CTCFL: variants seen among roughly 807,000 people sequenced by gnomAD.
CTCFL encodes the protein CCCTC-binding factor like, also known as transcriptional repressor CTCFL.
Under a neutral mutation model 67.4 loss-of-function variants are expected in CTCFL, and 36 were observed. The observed-to-expected ratio is 0.53, with a 90% CI of 0.41 to 0.71. CTCFL has a LOEUF of 0.71. CTCFL is among the 30% of genes least tolerant of loss of function. CTCFL has a pLI of 0.00. For missense variants in CTCFL, 786 were observed against 835.2 expected (o/e 0.94, Z 0.73); for synonymous variants, 324 against 302.3 (o/e 1.07, Z -0.75).
intron 9 of CTCFL, among the ~76,000 whole-genome samples, chr20:57,504,801 A>G (rs556319096): frequency 2.2e-4 from 34 of 152,120 alleles, no homozygotes; most frequent in Middle Eastern, 3.4e-3. Flanking sequence ...AAAATTTTAA[A>G]CAAAACTTCT....
intron 8 of CTCFL, among the ~76,000 whole-genome samples, chr20:57,510,348 T>TA (rs1406255295): frequency 1.3e-5 from 2 of 152,230 alleles, no homozygotes; most frequent in African/African-American, 2.4e-5. Context: ...ATAAAACAAT[T>TA]TATTAACTCA....
At chr20:57,525,231 TG>T (rs892708048), upstream of CTCFL, 1 of 45,746 alleles carries the variant, frequency 2.2e-5, no homozygotes, top group African/African-American at 8.5e-5. Flanking sequence ...TGATGTACTG[TG>T]GGGGCAGGGG....
intron 10 of CTCFL, 84 bp downstream of exon 10, chr20:57,503,352 C>T (rs2068014528): frequency 1.3e-6 from 2 of 1,523,568 alleles, no homozygotes; most frequent in African/African-American, 1.4e-5. Flanking sequence ...GACACATCCC[C>T]TGGACAGTAA....
intron 8 of CTCFL, among the ~76,000 whole-genome samples, chr20:57,511,466 A>T (rs1235514292): frequency 2.0e-5 from 3 of 152,134 alleles, no homozygotes; most frequent in African/African-American, 4.8e-5. Flanking sequence ...CCTGTGTGTG[A>T]GTCTGTAACA....
At chr20:57,521,996 G>T (rs1568882849) in intron 3 of CTCFL, among the ~76,000 whole-genome samples, 1 of 152,222 alleles carries the variant, frequency 6.6e-6, no homozygotes, top group Admixed American at 6.5e-5. Context: ...CTGGAATTTA[G>T]ACAGTGTTGA....
chr20:57,513,659 A>G (rs1600663057), intron 7 of CTCFL: 3 of 1,182,210 alleles, frequency 2.5e-6, no homozygotes, highest in Middle Eastern at 3.1e-4. Context: ...CTACGGCAAC[A>G]ATGACAGAAT....
intron 6 of CTCFL, chr20:57,514,979 T>C (rs748132578): frequency 9.3e-6 from 5 of 534,940 alleles, no homozygotes; most frequent in African/African-American, 1.9e-5. Flanking sequence ...TACGCAAGAG[T>C]TCAAGGTGGT....
chr20:57,505,140 A>G (rs2068128156), intron 9 of CTCFL, among the ~76,000 whole-genome samples: 1 of 151,896 alleles, frequency 6.6e-6, no homozygotes, highest in Non-Finnish European at 1.5e-5. Context: ...CTTGTGCAAA[A>G]ATGATGACTT....
intron 6 of CTCFL, chr20:57,515,511 T>C (rs1053398156): frequency 3.3e-6 from 2 of 601,356 alleles, no homozygotes; most frequent in Admixed American, 3.0e-5. Flanking sequence ...CTCCACACAG[T>C]GGGGTTGTGG....
intron 9 of CTCFL, 138 bp from the exon 10 acceptor site, chr20:57,503,739 A>G: frequency 2.5e-6 from 2 of 810,370 alleles, no homozygotes; most frequent in Non-Finnish European, 3.9e-6. Context: ...ACACCTCGCT[A>G]GCCCTAAGAA....
chr20:57,509,897 C>G (rs1347116067), intron 8 of CTCFL, among the ~76,000 whole-genome samples: 1 of 152,166 alleles, frequency 6.6e-6, no homozygotes, highest in East Asian at 1.9e-4. Flanking sequence ...CTCCAAGCCT[C>G]TGCCCACGGC....
chr20:57,519,699 G>C (rs1202218316), intron 3 of CTCFL, among the ~76,000 whole-genome samples: 1 of 152,172 alleles, frequency 6.6e-6, no homozygotes, highest in Non-Finnish European at 1.5e-5. Context: ...GACCTAAGGA[G>C]AGATGAGAAA....
At chr20:57,506,120 T>C (rs750459332) in intron 9 of CTCFL, among the ~76,000 whole-genome samples, 19 of 152,212 alleles carry the variant, frequency 1.2e-4, no homozygotes, top group Non-Finnish European at 2.1e-4. Context: ...AAGCAAGTTT[T>C]ACTGGAACAC....
In CTCFL at chr20:57,523,216, A is replaced by G. The variant is rs556280032; in HGVS notation, c.606T>C (p.Phe202=). The change falls in exon 3 of 11, where the codon TTT becomes TTC. Residue 202 remains phenylalanine (F), a synonymous_variant. Transcript: ENST00000243914. Reference sequence around the variant, plus strand: ...TTTCATCTCCTGACATTGTTTCCACAAAAAAGAGCTGCTCCTTTGTTCTTT... The same window carrying G: ...TTTCATCTCCTGACATTGTTTCCACGAAAAAGAGCTGCTCCTTTGTTCTTT... The part of the protein sequence containing the change: ...LAERTKEQLF[F]VETMSGDERS... 1 of 1,614,022 alleles carries G rather than the reference A, an allele frequency of 6.2e-7. No individual in the cohort carries two copies. The highest frequency in any genetic ancestry group is 1.1e-5 in the South Asian group (1 of 91,084).
chr20:57,512,517 G>T, intron 8 of CTCFL, 75 bp downstream of exon 8: 1 of 1,433,898 alleles, frequency 7.0e-7, no homozygotes, highest in Non-Finnish European at 9.7e-7. Flanking sequence ...GTATCTTCAA[G>T]GTGGTAGAGA....
At chr20:57,514,210 T>C (rs1014604224) in intron 7 of CTCFL, among the ~76,000 whole-genome samples, 2 of 152,102 alleles carry the variant, frequency 1.3e-5, no homozygotes, top group African/African-American at 4.8e-5. Flanking sequence ...CACTGATAAA[T>C]AGGAACCCAG....
intron 1 of CTCFL, 69 bp from the exon 2 acceptor site, chr20:57,524,285 G>T: frequency 1.3e-6 from 2 of 1,531,178 alleles, no homozygotes; most frequent in Non-Finnish European, 1.7e-6. Flanking sequence ...GGATGCGGGG[G>T]GTGCTGGAAC....
At chr20:57,510,442 T>C (rs1365061374) in intron 8 of CTCFL, among the ~76,000 whole-genome samples, 23 of 152,262 alleles carry the variant, frequency 1.5e-4, no homozygotes, top group African/African-American at 5.1e-4. Flanking sequence ...ATGTCTGTCT[T>C]AATAGATAAG....
chr20:57,512,909 G>A (rs909252841), intron 7 of CTCFL, among the ~76,000 whole-genome samples, 157 bp from the exon 8 acceptor site: 10 of 152,194 alleles, frequency 6.6e-5, no homozygotes, highest in African/African-American at 2.4e-4. Context: ...ATTGTAGGAT[G>A]TTAAGCAGCA....
Sources: gnomAD v4.1 joint callset for allele counts (sites outside exome capture counted in the v4.1 genomes callset) on GRCh38, gnomAD v4.1.1 for gene constraint, MANE v1.5 for transcripts, NCBI Gene and HGNC (gene_info 2026-07-23, HGNC 2026-07-21) for gene names.